Variants in HEMGN observed in about 807,000 individuals in gnomAD.
HEMGN encodes the protein hemogen.
Under a neutral mutation model 45.7 loss-of-function variants are expected in HEMGN, and 32 were observed. The observed-to-expected ratio is 0.70, with a 90% CI of 0.53 to 0.94. HEMGN has a LOEUF of 0.94. Among genes scored for constraint, HEMGN ranks in the 40% least tolerant of loss-of-function variants. HEMGN has a pLI of 0.00. For missense variants in HEMGN, 530 were observed against 564.2 expected (o/e 0.94, Z 0.61); for synonymous variants, 183 against 178.6 (o/e 1.02, Z -0.20).
rs962784811 is a variant in HEMGN, at chr9:97,938,052, C to G, written c.79+6G>C. On this transcript the variant is annotated splice_donor_region_variant and intron_variant, in intron 1 of 3. Transcript: ENST00000616898. ...AGCCACCAGCTCTTAAGGTATTTTT[C>G]ATTACCTGGAGAATGGTTCTCTTCT... is the stretch of plus-strand genomic sequence containing the variant. 15 of 1,571,380 alleles carry G rather than the reference C, an allele frequency of 9.5e-6. No individual in the cohort carries two copies. In the African/African-American group the frequency reaches 1.1e-4, roughly 12 times the overall value.
Position 97,930,176 on chromosome 9 carries a change from C to A in HEMGN, c.1219G>T (p.Asp407Tyr), listed in dbSNP as rs754723328. The change falls in exon 3 of 4, where the codon GAC (aspartate) becomes TAC (tyrosine). Residue 407 changes from aspartate (D) to tyrosine (Y), a missense_variant. Transcript: ENST00000616898. Reference protein sequence around the residue: ...EIYQETPGPEDLSTETYKNKD... With the variant: ...EIYQETPGPEYLSTETYKNKD... ...TTTTTATATGTCTCAGTAGAGAGGTCTTCAGGCCCCGGTGTTTCTTGGTAT... is the reference window on the plus strand; with the variant it reads ...TTTTTATATGTCTCAGTAGAGAGGTATTCAGGCCCCGGTGTTTCTTGGTAT... 1 of 1,614,114 alleles carries A rather than the reference C, an allele frequency of 6.2e-7. No individual in the cohort carries two copies. Among genetic ancestry groups the A allele is most frequent in the Non-Finnish European group, 8.5e-7 (1 of 1,180,026 alleles).
chr9:97,940,541 AAGT>A (rs1299945055), upstream of HEMGN, among the ~76,000 whole-genome samples: 2 of 152,142 alleles, frequency 1.3e-5, no homozygotes, highest in Admixed American at 1.3e-4. Context: ...TTTGAGACAG[AAGT>A]AGCCTACAGT....
chr9:97,940,713 A>G (rs1197147924), upstream of HEMGN, among the ~76,000 whole-genome samples: 1 of 152,220 alleles, frequency 6.6e-6, no homozygotes, highest in African/African-American at 2.4e-5. Flanking sequence ...TTATTTGCAT[A>G]TATACATAAA....
chr9:97,930,710 C>A lies in HEMGN; in HGVS notation c.685G>T (p.Ala229Ser). The A allele has an allele frequency of 1.2e-6, 2 of 1,614,104 alleles. No homozygotes were observed. The highest frequency in any genetic ancestry group is 1.3e-5 in the African/African-American group (1 of 74,998). Residue 229 changes from alanine (A) to serine (S), a missense_variant, in exon 3 of 4, where the codon GCT becomes TCT. By Grantham distance (99) the Ala-to-Ser change is moderately conservative (BLOSUM62 1). Transcript: ENST00000616898. ...YQDMAKREDL[A>S]PKMCQEAAVP... ...GCAGCTTCTTGGCACATTTTAGGAG[C>A]CAGATCTTCTCGTTTAGCCATATCT...
At chr9:97,939,555 C>T (rs576790252), upstream of HEMGN, among the ~76,000 whole-genome samples, 7 of 152,204 alleles carry the variant, frequency 4.6e-5, no homozygotes, top group South Asian at 2.1e-4. Context: ...AACTGAGAAC[C>T]GAGGAGGAGA....
At chr9:97,938,223 TA>T (rs529220510), upstream of HEMGN, 11,286 of 644,036 alleles carry the variant, frequency 0.018, no homozygotes, top group South Asian at 0.022. Context: ...ATCTAACACT[TA>T]AAAAAAAAAA....
rs183792032 is a variant in HEMGN, at chr9:97,927,234, A to C, written c.*150T>G. On this transcript the variant is annotated 3_prime_UTR_variant, in exon 4 of 4. Transcript: ENST00000616898. Reference sequence around the variant, plus strand: ...GATATTGTCTATGTGGTAGAGCCTTAAAAAATGTTATTTCTTTCAGATATG... The same window carrying C: ...GATATTGTCTATGTGGTAGAGCCTTCAAAAATGTTATTTCTTTCAGATATG... The C allele has an allele frequency of 1.9e-6, 1 of 540,284 alleles. No individual in the cohort carries two copies. Among genetic ancestry groups the C allele is most frequent in the African/African-American group, 1.9e-5 (1 of 52,366 alleles). The allele number at this position is 540,284 out of a possible 1,614,324, so 33.5% of individuals were successfully genotyped here.
At chr9:97,929,966 G>T (rs1326199315) in intron 3 of HEMGN, 69 bp downstream of exon 3, 2 of 1,127,928 alleles carry the variant, frequency 1.8e-6, no homozygotes, top group Non-Finnish European at 2.6e-6. Flanking sequence ...ACCCAGGATT[G>T]TCAGAGAAAG....
chr9:97,938,417 C>A, upstream of HEMGN: 1 of 312,360 alleles, frequency 3.2e-6, no homozygotes, highest in East Asian at 5.9e-5. Context: ...CTGACCACAG[C>A]CTGGCATGGC....
At position 97,930,615 on chromosome 9, in the gene HEMGN, T is replaced by C; in HGVS notation, c.780A>G (p.Ala260=). 6.2e-7 allele frequency: 1 copy of C among 1,614,202 alleles called. No homozygotes were observed. The highest frequency in any genetic ancestry group is 8.5e-7 in the Non-Finnish European group (1 of 1,180,018). ...TADLAGCSLQ[A]YPKPDVPKGY... is the part of the protein sequence containing the mutation. ...CTTTAGGCACATCTGGTTTTGGATA[T>C]GCTTGAAGAGAGCATCCTGCCAGAT... is the stretch of plus-strand genomic sequence containing the variant. The change falls in exon 3 of 4, where the codon GCA becomes GCG. Residue 260 remains alanine, a synonymous_variant. Transcript: ENST00000616898.
At chr9:97,937,317 A>G (rs1827080265) in intron 1 of HEMGN, among the ~76,000 whole-genome samples, 1 of 152,102 alleles carries the variant, frequency 6.6e-6, no homozygotes, top group Non-Finnish European at 1.5e-5. Flanking sequence ...AGATCATCCC[A>G]TCACCTAGGT....
In HEMGN at chr9:97,937,983, T is replaced by C. The variant is rs982583941; in HGVS notation, c.79+75A>G. ...TCCTTTTTTTTTTTTTTTGGCCAGA[T>C]CCATTGAAAAGAGAAAATTATCATA... On this transcript the variant is annotated intron_variant, in intron 1 of 3. Coordinates refer to ENST00000616898, the MANE Select transcript of HEMGN (RefSeq NM_197978.3). 9.9e-6 allele frequency: 7 copies of C among 708,512 alleles called. No homozygotes were observed. In the Admixed American group the frequency reaches 1.9e-4, roughly 19 times the overall value. 43.9% of individuals were successfully genotyped at this position (708,512 alleles called of 1,614,324 possible). A position where few individuals can be genotyped will look rare whatever the true frequency, so the allele number is the denominator to read the frequency against.
At chr9:97,937,283 AT>A (rs1827079546) in intron 1 of HEMGN, among the ~76,000 whole-genome samples, 1 of 152,070 alleles carries the variant, frequency 6.6e-6, no homozygotes, top group African/African-American at 2.4e-5. Context: ...ATAGGTATAC[AT>A]GTGCCATGGT....
rs372439036 is a variant in HEMGN, at chr9:97,927,585, C to T, written c.1361-107G>A. On this transcript the variant is annotated intron_variant, in intron 3 of 3. Coordinates refer to ENST00000616898, the MANE Select transcript of HEMGN (RefSeq NM_197978.3). ...GCTTTACAACATACACAACAACAAA[C>T]CGTAGATGGGGTAAATTTTTAAATA... The T allele has an allele frequency of 2.0e-4, 132 of 662,122 alleles. No individual in the cohort carries two copies. The African/African-American group carries it at 2.1e-3, about 11-fold the overall frequency. The allele number at this position is 662,122 out of a possible 1,614,324, so 41.0% of individuals were successfully genotyped here.
chr9:97,943,455 G>A (rs948096088), intron 1 of HEMGN, among the ~76,000 whole-genome samples: 1 of 152,208 alleles, frequency 6.6e-6, no homozygotes, highest in Non-Finnish European at 1.5e-5. Context: ...GTTGATGCAT[G>A]ATAAATGACT....
intron 3 of HEMGN, among the ~76,000 whole-genome samples, chr9:97,928,318 G>T (rs1177893180): frequency 4.6e-5 from 7 of 152,100 alleles, no homozygotes; most frequent in African/African-American, 1.7e-4. Flanking sequence ...GAGCCACCGC[G>T]CCCGGCCGAT....
chr9:97,930,754 T>C lies in HEMGN; in HGVS notation c.641A>G (p.His214Arg), dbSNP rs574361292. Residue 214 changes from histidine to arginine, a missense_variant, in exon 3 of 4, where the codon CAT (histidine) becomes CGT (arginine). Physicochemically the swap from His to Arg is conservative, Grantham distance 29. Coordinates refer to ENST00000616898, the MANE Select transcript of HEMGN (RefSeq NM_197978.3). ...TCQVISVIQD[H>R]PFKMYQDMAK... ...CATATCTTGGTACATTTTGAAAGGA[T>C]GGTCTTGAATTACAGATATTACTTG... 2.5e-6 allele frequency: 4 copies of C among 1,614,188 alleles called. No homozygotes were observed. Among genetic ancestry groups the C allele is most frequent in the East Asian group, 2.2e-5 (1 of 44,884 alleles).
rs540660014 is a variant in HEMGN at position 97,929,482 on chromosome 9, G to T, written c.1360+553C>A. Among the ~76,000 whole-genome samples the T allele has an allele frequency of 1.7e-4, 26 of 152,280 alleles. No individual in the cohort carries two copies. The East Asian group carries it at 3.7e-3, about 21-fold the overall frequency. The stretch of plus-strand genomic sequence containing the variant: ...CTGAGGCAAGTGAAATTAAAGAAAG[G>T]TTGCATTATTTTCAAATTCCTATAC... On this transcript the variant is annotated intron_variant, in intron 3 of 3. Transcript: ENST00000616898.
upstream of HEMGN, among the ~76,000 whole-genome samples, chr9:97,938,610 T>G (rs910751147): frequency 1.3e-5 from 2 of 152,184 alleles, no homozygotes; most frequent in Non-Finnish European, 2.9e-5. Context: ...AATGGGTAAA[T>G]AATTCCTGTC....
Sources: gnomAD v4.1 joint callset for allele counts (sites outside exome capture counted in the v4.1 genomes callset) on GRCh38, gnomAD v4.1.1 for gene constraint, MANE v1.5 for transcripts, NCBI Gene and HGNC (gene_info 2026-07-23, HGNC 2026-07-21) for gene names.